Variants in VARS1 observed in about 807,000 individuals in gnomAD.
VARS1 encodes valyl-tRNA synthetase 1.
VARS1 carries 92 observed loss-of-function variants against 161.0 expected under a neutral mutation model. That is an observed-to-expected ratio of 0.57 (90% confidence interval 0.48 to 0.68). The LOEUF (loss-of-function observed/expected upper bound fraction) is 0.68, where lower values mean the gene tolerates loss of function less well. Among genes scored for constraint, VARS1 ranks in the 30% least tolerant of loss-of-function variants. VARS1 has a pLI of 0.00. For synonymous variants in VARS1, 595 were observed against 682.5 expected (o/e 0.87, Z 2.00); for missense variants, 1,338 against 1,695.9 (o/e 0.79, Z 3.71).
At position 31,778,966 on chromosome 6, in the gene VARS1, C is replaced by A. The variant is rs111682977; in HGVS notation, c.3726+1G>T. 6.2e-7 allele frequency: 1 copy of A among 1,613,066 alleles called. No individual in the cohort carries two copies. The highest frequency in any genetic ancestry group is 8.5e-7 in the Non-Finnish European group (1 of 1,180,030). On this transcript the variant is annotated splice_donor_variant, in intron 29 of 29. Transcript: ENST00000375663. LOFTEE classifies it high-confidence loss of function. The surrounding 1 kb of genome is among the most constrained non-coding windows in gnomAD (Gnocchi z 5.1). ...GGGAAATGCCCACCCAGGCCACACA[C>A]CTTGGCTTCATCTGCCTCCTGGACT...
intron 13 of VARS1, among the ~76,000 whole-genome samples, chr6:31,783,631 T>C (rs1813302961): frequency 6.6e-6 from 1 of 151,320 alleles, no homozygotes; most frequent in South Asian, 2.1e-4. Context: ...AAGATCAGCA[T>C]GGTTAACAGA....
At chr6:31,786,598 G>A (rs1813521796) in intron 8 of VARS1, among the ~76,000 whole-genome samples, 1 of 149,294 alleles carries the variant, frequency 6.7e-6, no homozygotes, top group Admixed American at 6.7e-5. Context: ...GCTGGGAGGG[G>A]GAGGTTGCAG....
chr6:31,790,465 G>A (rs946981187), intron 8 of VARS1, among the ~76,000 whole-genome samples: 7 of 151,794 alleles, frequency 4.6e-5, no homozygotes, highest in Non-Finnish European at 1.0e-4. Flanking sequence ...AGCCAGGCGC[G>A]GTGGCAGGTG....
chr6:31,782,097 G>T lies in VARS1; in HGVS notation c.2231C>A (p.Pro744His). Residue 744 changes from proline to histidine, a missense_variant, in exon 18 of 30, where the codon CCC becomes CAC. Pro to His is a moderately conservative substitution (Grantham distance 77). This residue lies in a region of VARS1 where 902 missense variants were observed against 1,090.3 expected (regional missense o/e 0.83). Coordinates refer to ENST00000375663, the MANE Select transcript of VARS1 (RefSeq NM_006295.3). This position sits in a 1 kb window ranked among gnomAD's most constrained non-coding sequence, Gnocchi z 8.3. ...YFVTVSDPAV[P>H]PGEDPDGRYW... is the part of the protein sequence containing the mutation. ...TGGCCCTCTGCTCACCTCCCCAGGG[G>T]GCACCGCTGGGTCACTGACAGTGAC... The T allele has an allele frequency of 6.2e-7, 1 of 1,613,722 alleles. No individual in the cohort carries two copies. Among genetic ancestry groups the T allele is most frequent in the African/African-American group, 1.3e-5 (1 of 75,058 alleles).
At position 31,779,338 on chromosome 6, in the gene VARS1, A is replaced by G; in HGVS notation, c.3401-46T>C. On this transcript the variant is annotated intron_variant, in intron 28 of 29. Transcript: ENST00000375663. The surrounding 1 kb of genome is among the most constrained non-coding windows in gnomAD (Gnocchi z 9.1). Reference sequence around the variant, plus strand: ...TGAGGCCTAGCTCCATGGAGACAGGAAACCAAGCAGTCACTGCCGGACACT... The same window carrying G: ...TGAGGCCTAGCTCCATGGAGACAGGGAACCAAGCAGTCACTGCCGGACACT... 1 of 1,601,328 alleles carries G rather than the reference A, an allele frequency of 6.2e-7. No homozygotes were observed. Among genetic ancestry groups the G allele is most frequent in the Non-Finnish European group, 8.5e-7 (1 of 1,178,964 alleles).
Position 31,781,836 on chromosome 6 carries a change from C to A in VARS1, c.2347+11G>T. 2 of 1,613,042 alleles carry A rather than the reference C, an allele frequency of 1.2e-6. No homozygotes were observed. Among genetic ancestry groups the A allele is most frequent in the South Asian group, 1.1e-5 (1 of 91,090 alleles). Reference sequence around the variant, plus strand: ...CACAACTCCCTCCAGACCCTCAAAGCCCCGCCTTGCCTTGCTGGAGACTGA... The same window carrying A: ...CACAACTCCCTCCAGACCCTCAAAGACCCGCCTTGCCTTGCTGGAGACTGA... On this transcript the variant is annotated intron_variant, in intron 19 of 29. Transcript: ENST00000375663. This position sits in a 1 kb window ranked among gnomAD's most constrained non-coding sequence, Gnocchi z 6.8.
Position 31,791,931 on chromosome 6 carries a change from A to C in VARS1, c.912T>G (p.Tyr304Ter). ...ACCAAGGGTACCAGGCAGCCTCCACATACCGAGGGCTGTAGGAGTCGGGCA... is the reference window on the plus strand; with the variant it reads ...ACCAAGGGTACCAGGCAGCCTCCACCTACCGAGGGCTGTAGGAGTCGGGCA... Reference protein sequence around the residue: ...GPMPDSYSPRYVEAAWYPWWE... With the variant: ...GPMPDSYSPR Residue 304 changes from tyrosine to a stop codon, truncating the protein, a stop_gained, in exon 7 of 30, where the codon TAT becomes TAG. Transcript: ENST00000375663. LOFTEE classifies it high-confidence loss of function. The surrounding 1 kb of genome is among the most constrained non-coding windows in gnomAD (Gnocchi z 5.0). 1 of 1,605,058 alleles carries C rather than the reference A, an allele frequency of 6.2e-7. No individual in the cohort carries two copies. Among genetic ancestry groups the C allele is most frequent in the Non-Finnish European group, 8.5e-7 (1 of 1,175,040 alleles).
At chr6:31,788,331 C>G (rs1328945674) in intron 8 of VARS1, among the ~76,000 whole-genome samples, 1 of 151,602 alleles carries the variant, frequency 6.6e-6, no homozygotes, top group Non-Finnish European at 1.5e-5. Context: ...GAAACCCCGT[C>G]TCTACTAAAA....
At position 31,794,873 on chromosome 6, in the gene VARS1, C is replaced by T. The variant is rs1405248208; in HGVS notation, c.345G>A (p.Thr115=). 2 of 1,611,026 alleles carry T rather than the reference C, an allele frequency of 1.2e-6. No individual in the cohort carries two copies. Among genetic ancestry groups the T allele is most frequent in the African/African-American group, 2.7e-5 (2 of 74,828 alleles). Residue 115 remains threonine (T), a synonymous_variant, in exon 2 of 30, where the codon ACG becomes ACA. Transcript: ENST00000375663. ...AGCTTCGGAGTCCCAGGGCCGGCAGCGTTGCTCCACAGGCAGCTGGTATTA... is the reference window on the plus strand; with the variant it reads ...AGCTTCGGAGTCCCAGGGCCGGCAGTGTTGCTCCACAGGCAGCTGGTATTA... ...TELIPAACGA[T]LPALGLRSSA... is the part of the protein sequence containing the mutation.
Position 31,791,727 on chromosome 6 carries a change from A to G in VARS1, c.983T>C (p.Val328Ala). 6.2e-7 allele frequency: 1 copy of G among 1,613,066 alleles called. No individual in the cohort carries two copies. The highest frequency in any genetic ancestry group is 8.5e-7 in the Non-Finnish European group (1 of 1,180,008). Residue 328 changes from valine to alanine, a missense_variant, in exon 8 of 30, where the codon GTG becomes GCG. Transcript: ENST00000375663. The surrounding 1 kb of genome is among the most constrained non-coding windows in gnomAD (Gnocchi z 5.0). ...FFKPEYGRPN[V>A]SAANPRGVFM... Reference sequence around the variant, plus strand: ...GACACCTCGGGGATTTGCTGCTGACACATTAGGACGCTGATGGTGGAGAAG... The same window carrying G: ...GACACCTCGGGGATTTGCTGCTGACGCATTAGGACGCTGATGGTGGAGAAG...
Position 31,792,207 on chromosome 6 carries a change from C to T in VARS1, c.871+10G>A, listed in dbSNP as rs948654987. 17 of 1,613,264 alleles carry T rather than the reference C, an allele frequency of 1.1e-5. No individual in the cohort carries two copies. The African/African-American group carries it at 1.2e-4, about 11-fold the overall frequency. Reference sequence around the variant, plus strand: ...CTGCTGAGGGGTGAGCCCCTTCCCACTCCTAGTACCTTTCTTTTCCCCGGG... The same window carrying T: ...CTGCTGAGGGGTGAGCCCCTTCCCATTCCTAGTACCTTTCTTTTCCCCGGG... On this transcript the variant is annotated intron_variant, in intron 6 of 29. Coordinates refer to ENST00000375663, the MANE Select transcript of VARS1 (RefSeq NM_006295.3).
rs1470323684 is a variant in VARS1, at chr6:31,779,759, C to T, written c.3137G>A (p.Arg1046His). Residue 1046 changes from arginine to histidine, a missense_variant, in exon 27 of 30, where the codon CGC becomes CAC. Coordinates refer to ENST00000375663, the MANE Select transcript of VARS1 (RefSeq NM_006295.3). This position sits in a 1 kb window ranked among gnomAD's most constrained non-coding sequence, Gnocchi z 9.1. ...GVDQVAAECA[R>H]QTLYTCLDVG... ...GTCCAGGCAAGTGTACAGGGTCTGGCGGGCACACTCAGCTGCCACCTGGTC... is the reference window on the plus strand; with the variant it reads ...GTCCAGGCAAGTGTACAGGGTCTGGTGGGCACACTCAGCTGCCACCTGGTC... The T allele has an allele frequency of 1.6e-5, 25 of 1,612,860 alleles. No individual in the cohort carries two copies. Among genetic ancestry groups the T allele is most frequent in the African/African-American group, 2.7e-5 (2 of 74,894 alleles).
In VARS1 at chr6:31,792,245, G is replaced by T; in HGVS notation, c.843C>A (p.Asp281Glu). ...TCTTTTCCCCGGGTGGGGTTGGGAG[G>T]TCATAGGTAATGACCCCAGGATCCC... Reference protein sequence around the residue: ...EKRDPGVITYDLPTPPGEKKD... With the variant: ...EKRDPGVITYELPTPPGEKKD... The change falls in exon 6 of 30, where the codon GAC becomes GAA. Residue 281 changes from aspartate (D) to glutamate (E), a missense_variant. By Grantham distance (45) the Asp-to-Glu change is conservative. Coordinates refer to ENST00000375663, the MANE Select transcript of VARS1 (RefSeq NM_006295.3). 6.2e-7 allele frequency: 1 copy of T among 1,613,948 alleles called. No individual in the cohort carries two copies. Among genetic ancestry groups the T allele is most frequent in the Non-Finnish European group, 8.5e-7 (1 of 1,180,010 alleles).
At position 31,782,140 on chromosome 6, in the gene VARS1, G is replaced by C. The variant is rs540387801; in HGVS notation, c.2188C>G (p.Arg730Gly). ...ACAGTGACAAAGTAGGCTGGGATGC[G>C]ATGGCCCCACCACAGCTGCCTGGAA... Reference protein sequence around the residue: ...CISRQLWWGHRIPAYFVTVSD... With the variant: ...CISRQLWWGHGIPAYFVTVSD... The change falls in exon 18 of 30, where the codon CGC (arginine) becomes GGC (glycine). Residue 730 changes from arginine to glycine, a missense_variant. Physicochemically the swap from Arg to Gly is moderately radical, Grantham distance 125 (BLOSUM62 -2). Coordinates refer to ENST00000375663, the MANE Select transcript of VARS1 (RefSeq NM_006295.3). This position sits in a 1 kb window ranked among gnomAD's most constrained non-coding sequence, Gnocchi z 8.3. 5.0e-6 allele frequency: 8 copies of C among 1,613,996 alleles called. No homozygotes were observed. The East Asian group carries it at 1.6e-4, about 31-fold the overall frequency.
At position 31,785,859 on chromosome 6, in the gene VARS1, C is replaced by G; in HGVS notation, c.1101-126G>C. On this transcript the variant is annotated intron_variant, in intron 8 of 29. Coordinates refer to ENST00000375663, the MANE Select transcript of VARS1 (RefSeq NM_006295.3). The surrounding 1 kb of genome is among the most constrained non-coding windows in gnomAD (Gnocchi z 6.1). ...GAAGCAGGGAGGCCGGACGCGGTGG[C>G]TCACGCCTGTAATCCCAGAACTTTG... The G allele has an allele frequency of 8.0e-7, 1 of 1,245,226 alleles. No homozygotes were observed. Among genetic ancestry groups the G allele is most frequent in the Non-Finnish European group, 1.1e-6 (1 of 921,498 alleles). The allele number at this position is 1,245,226 out of a possible 1,614,324, so 77.1% of individuals were successfully genotyped here.
At chr6:31,790,951 G>A (rs1813829490) in intron 8 of VARS1, among the ~76,000 whole-genome samples, 1 of 152,116 alleles carries the variant, frequency 6.6e-6, no homozygotes, top group Non-Finnish European at 1.5e-5. Flanking sequence ...GAGGGGGATG[G>A]TCAAGGAGAT....
Position 31,782,925 on chromosome 6 carries a change from G to A in VARS1, c.1763-80C>T. 1.3e-6 allele frequency: 2 copies of A among 1,552,878 alleles called. No individual in the cohort carries two copies. The highest frequency in any genetic ancestry group is 1.7e-6 in the Non-Finnish European group (2 of 1,149,022). On this transcript the variant is annotated intron_variant, in intron 14 of 29. Transcript: ENST00000375663. This position sits in a 1 kb window ranked among gnomAD's most constrained non-coding sequence, Gnocchi z 8.3. ...ACACTCACCTCTTTTGCTGAAGGAT[G>A]TAGCTCCGAGACCACTCCTGGCCCC...
intron 8 of VARS1, among the ~76,000 whole-genome samples, chr6:31,786,665 C>CAAA (rs9279417): frequency 5.4e-4 from 17 of 31,612 alleles, no homozygotes; most frequent in Admixed American, 1.9e-3. Context: ...GACTCTGTCT[C>CAAA]AAAAAAAAAA....
Position 31,780,964 on chromosome 6 carries a change from G to A in VARS1, c.2650-26C>T. 1 of 1,614,032 alleles carries A rather than the reference G, an allele frequency of 6.2e-7. No homozygotes were observed. The highest frequency in any genetic ancestry group is 8.5e-7 in the Non-Finnish European group (1 of 1,180,012). ...CTGAGGGTGGAGTGGGAGCAGTCAGGTGGCTGTGACCACAGCCCCACGGCC... is the reference window on the plus strand; with the variant it reads ...CTGAGGGTGGAGTGGGAGCAGTCAGATGGCTGTGACCACAGCCCCACGGCC... On this transcript the variant is annotated intron_variant, in intron 22 of 29. Transcript: ENST00000375663. The surrounding 1 kb of genome is among the most constrained non-coding windows in gnomAD (Gnocchi z 5.1).
Sources: gnomAD v4.1 joint callset for allele counts (sites outside exome capture counted in the v4.1 genomes callset) on GRCh38, gnomAD v4.1.1 for gene constraint, gnomAD v4.1.1 regional missense constraint, Gnocchi (gnomAD v3.1) non-coding constraint, MANE v1.5 for transcripts, NCBI Gene and HGNC (gene_info 2026-07-23, HGNC 2026-07-21) for gene names.